Variants in PCDHA4 observed in about 807,000 individuals in gnomAD.
PCDHA4 encodes protocadherin alpha 4, also known as protocadherin alpha-4.
PCDHA4 carries 49 observed loss-of-function variants against 61.4 expected under a neutral mutation model. The ratio of observed to expected loss-of-function variants is 0.80; its 90% CI spans 0.63 to 1.01. The LOEUF is 1.01. Among genes scored for constraint, PCDHA4 ranks in the 50% least tolerant of loss-of-function variants. PCDHA4 has a pLI of 0.00. For missense variants in PCDHA4, 1,254 were observed against 1,235.8 expected, an observed-to-expected ratio of 1.01 and a Z score of -0.22; for synonymous variants, 590 against 550.3, an observed-to-expected ratio of 1.07 and a Z score of -1.01.
intron 3 of PCDHA4, among the ~76,000 whole-genome samples, chr5:140,986,469 T>G (rs2097202307): frequency 6.6e-6 from 1 of 152,214 alleles, no homozygotes; most frequent in Non-Finnish European, 1.5e-5. Context: ...TGCCCTCTTG[T>G]GATCAGTTCC....
At chr5:140,983,885 T>C (rs74936593) in intron 3 of PCDHA4, among the ~76,000 whole-genome samples, 2,965 of 152,290 alleles carry the variant, frequency 0.019, 72 homozygotes, top group African/African-American at 0.056. Flanking sequence ...ACTGGCAACT[T>C]TAAGGGCATT....
chr5:140,836,893 G>A (rs992802936), intron 1 of PCDHA4: 5 of 624,992 alleles, frequency 8.0e-6, no homozygotes, highest in Admixed American at 3.5e-5. Flanking sequence ...TTATTTGGAA[G>A]TACGTTTAAT....
rs73793550 is a variant in PCDHA4 at position 140,989,564 on chromosome 5, C to T, written c.2533+7001C>T. On this transcript the variant is annotated intron_variant, in intron 3 of 3. Transcript: ENST00000530339. ...GTAATTCCTTTACGTTTTGTGGCTC[C>T]GGCAAGCCCTGTCCTCAGCCTCACT... is the stretch of plus-strand genomic sequence containing the variant. Among the ~76,000 whole-genome samples the T allele has an allele frequency of 6.0e-3, 907 of 152,216 alleles. 13 individuals carry two copies. Among genetic ancestry groups the T allele is most frequent in the African/African-American group, 0.021 (852 of 41,530 alleles).
intron 1 of PCDHA4, among the ~76,000 whole-genome samples, chr5:140,911,608 T>C (rs1045101856): frequency 1.3e-5 from 2 of 152,180 alleles, no homozygotes; most frequent in Non-Finnish European, 2.9e-5. Context: ...TTCATTATGT[T>C]CCTTAGTTCC....
At chr5:140,935,394 G>C (rs959098226) in intron 1 of PCDHA4, among the ~76,000 whole-genome samples, 2 of 152,088 alleles carry the variant, frequency 1.3e-5, no homozygotes, top group East Asian at 3.8e-4. Context: ...GTTATCCCAC[G>C]GGACTCAAAC....
intron 1 of PCDHA4, chr5:140,967,785 G>C: frequency 6.2e-7 from 1 of 1,614,176 alleles, no homozygotes; most frequent in Non-Finnish European, 8.5e-7. Flanking sequence ...GCGACTGACC[G>C]GGGTCCAGTG....
intron 1 of PCDHA4, chr5:140,876,344 G>T (rs1554168492): frequency 6.2e-7 from 1 of 1,614,040 alleles, no homozygotes; most frequent in Admixed American, 1.7e-5. Flanking sequence ...AGTGAGAAAT[G>T]TATGTTTTCA....
At chr5:140,823,777 C>T (rs2150129068) in intron 1 of PCDHA4, 1 of 1,613,860 alleles carries the variant, frequency 6.2e-7, no homozygotes, top group Non-Finnish European at 8.5e-7. Flanking sequence ...GCTGGTGTCG[C>T]TGGTGGAAAG....
intron 1 of PCDHA4, chr5:140,848,229 G>T: frequency 2.5e-6 from 1 of 402,640 alleles, no homozygotes; most frequent in South Asian, 5.0e-5. Flanking sequence ...TTAAGAAAAT[G>T]AAATAAGTTT....
At chr5:140,822,357 T>C in intron 1 of PCDHA4, 1 of 1,614,132 alleles carries the variant, frequency 6.2e-7, no homozygotes, top group Non-Finnish European at 8.5e-7. Context: ...TAGAGCTGGT[T>C]TTGAGGAAAT....
Position 140,850,727 on chromosome 5 carries a change from G to T in PCDHA4, c.2385+41155G>T, listed in dbSNP as rs2150496154. 1.7e-5 allele frequency: 27 copies of T among 1,597,890 alleles called. 4 individuals carry two copies. The highest frequency in any genetic ancestry group is 2.2e-5 in the South Asian group (2 of 90,514). ...AGCCGACGCTGGTGTGTTCTAGCGC[G>T]GTGGGGAGTTGGTCGTACTCGCAGC... is the stretch of plus-strand genomic sequence containing the variant. On this transcript the variant is annotated intron_variant, in intron 1 of 3. Transcript: ENST00000530339.
chr5:140,809,305 G>A lies in PCDHA4; in HGVS notation c.2118G>A (p.Ala706=), dbSNP rs782718692. The change falls in exon 1 of 4, where the codon GCG becomes GCA. Residue 706 remains alanine (A), a synonymous_variant. Transcript: ENST00000530339. ...VNVYLIIAIC[A]VSSLLVLTLL... ...TATACCTGATCATTGCCATCTGCGC[G>A]GTGTCCAGCCTTTTGGTGCTCACGC... 2.5e-6 allele frequency: 4 copies of A among 1,614,114 alleles called. No individual in the cohort carries two copies. The highest frequency in any genetic ancestry group is 1.3e-5 in the African/African-American group (1 of 75,066).
chr5:140,828,232 G>C lies in PCDHA4; in HGVS notation c.2385+18660G>C, dbSNP rs111975849. ...CCAAACACGGCACCTTCGTGGGCCGGATCGCGCAGGACCTGGGGCTGGAGC... is the reference window on the plus strand; with the variant it reads ...CCAAACACGGCACCTTCGTGGGCCGCATCGCGCAGGACCTGGGGCTGGAGC... On this transcript the variant is annotated intron_variant, in intron 1 of 3. Transcript: ENST00000530339. The C allele has an allele frequency of 3.8e-5, 61 of 1,613,964 alleles. 1 individual carries two copies. The highest frequency in any genetic ancestry group is 2.1e-4 in the African/African-American group (16 of 75,074).
Position 140,808,219 on chromosome 5 carries a change from C to T in PCDHA4, c.1032C>T (p.Asn344=), listed in dbSNP as rs782019485. 6.2e-7 allele frequency: 1 copy of T among 1,614,194 alleles called. No homozygotes were observed. Among genetic ancestry groups the T allele is most frequent in the South Asian group, 1.1e-5 (1 of 91,088 alleles). ...TTATTGTGGAAGTAGAAGACAACAA[C>T]GATAATGTCCCAGATTTGGAATTCA... is the stretch of plus-strand genomic sequence containing the variant. ...CRVIVEVEDN[N]DNVPDLEFKS... is the part of the protein sequence containing the mutation. The change falls in exon 1 of 4, where the codon AAC becomes AAT. Residue 344 remains asparagine, a synonymous_variant. Transcript: ENST00000530339.
At chr5:141,003,543 C>T (rs2098129407) in intron 3 of PCDHA4, among the ~76,000 whole-genome samples, 1 of 152,108 alleles carries the variant, frequency 6.6e-6, no homozygotes, top group Non-Finnish European at 1.5e-5. Context: ...GAACTCCTGG[C>T]TTCAAGTGAT....
chr5:140,918,989 GTGT>G (rs2078966617), intron 1 of PCDHA4, among the ~76,000 whole-genome samples: 1 of 152,178 alleles, frequency 6.6e-6, no homozygotes, highest in Non-Finnish European at 1.5e-5. Context: ...TTGGTTTTTA[GTGT>G]TGTTCACATC....
intron 1 of PCDHA4, chr5:140,823,563 G>C: frequency 6.2e-7 from 1 of 1,613,948 alleles, no homozygotes; most frequent in Non-Finnish European, 8.5e-7. Context: ...TGCGCGCAGT[G>C]GACCCTGATT....
intron 1 of PCDHA4, among the ~76,000 whole-genome samples, chr5:140,976,053 A>G (rs1174656934): frequency 2.6e-5 from 4 of 152,222 alleles, no homozygotes; most frequent in Non-Finnish European, 5.9e-5. Flanking sequence ...AAATTGTGAT[A>G]GTAATATATG....
chr5:140,910,103 T>C (rs1485345908), intron 1 of PCDHA4, among the ~76,000 whole-genome samples: 2 of 152,192 alleles, frequency 1.3e-5, no homozygotes, highest in Admixed American at 6.5e-5. Flanking sequence ...CTCCCCTTCA[T>C]TTAAGGGATT....
Sources: gnomAD v4.1 joint callset for allele counts (sites outside exome capture counted in the v4.1 genomes callset) on GRCh38, gnomAD v4.1.1 for gene constraint, MANE v1.5 for transcripts, NCBI Gene and HGNC (gene_info 2026-07-23, HGNC 2026-07-21) for gene names.